The following PLIN3 variants were observed in gnomAD, a reference collection of about 807,000 sequenced individuals.
The protein encoded by PLIN3 is perilipin 3.
A neutral mutation model predicts 35.9 loss-of-function variants in PLIN3; 30 were observed. That is an observed-to-expected ratio of 0.84 (90% CI 0.62 to 1.13). PLIN3 has a LOEUF of 1.13. Among genes scored for constraint, PLIN3 ranks in the 50% most tolerant of loss-of-function variants. The pLI is 0.00. For missense variants in PLIN3, 603 were observed against 596.9 expected, an observed-to-expected ratio of 1.01 and a Z score of -0.11; for synonymous variants, 261 against 262.5, an observed-to-expected ratio of 0.99 and a Z score of 0.06.
chr19:4,841,338 G>A (rs537483067), intron 7 of PLIN3, among the ~76,000 whole-genome samples: 1 of 152,110 alleles, frequency 6.6e-6, no homozygotes, highest in African/African-American at 2.4e-5. Context: ...AGGACGTCAC[G>A]CTCAGCGCGA....
intron 1 of PLIN3, 126 bp from the exon 2 acceptor site, chr19:4,861,537 T>A: frequency 1.5e-6 from 1 of 647,720 alleles, no homozygotes; most frequent in Non-Finnish European, 2.7e-6. Flanking sequence ...TGTCTTTCAG[T>A]CCTTAGCAGG....
intron 4 of PLIN3, among the ~76,000 whole-genome samples, chr19:4,854,549 G>A (rs372775926): frequency 2.8e-4 from 42 of 152,110 alleles, no homozygotes; most frequent in African/African-American, 8.7e-4. Flanking sequence ...GACTACAGGC[G>A]TGCACTGCCA....
At chr19:4,855,249 G>GAAAAAA (rs377681525) in intron 4 of PLIN3, among the ~76,000 whole-genome samples, 46 of 36,396 alleles carry the variant, frequency 1.3e-3, no homozygotes, top group African/African-American at 4.1e-3. Flanking sequence ...GACTCCATCT[G>GAAAAAA]AAAAAAAAAA....
intron 1 of PLIN3, among the ~76,000 whole-genome samples, chr19:4,864,204 G>A (rs910206724): frequency 6.6e-6 from 1 of 150,938 alleles, no homozygotes; most frequent in African/African-American, 2.4e-5. Context: ...CCAGGCTGGG[G>A]TGCAGTGGCG....
chr19:4,844,849 T>C, intron 6 of PLIN3, 56 bp from the exon 7 acceptor site: 1 of 1,510,284 alleles, frequency 6.6e-7, no homozygotes, highest in Admixed American at 2.3e-5. Flanking sequence ...GAGACGGGAT[T>C]CCAGAAGGAA....
intron 1 of PLIN3, among the ~76,000 whole-genome samples, chr19:4,864,837 G>A (rs748775548): frequency 2.1e-4 from 32 of 152,094 alleles, no homozygotes; most frequent in Non-Finnish European, 4.6e-4. Context: ...CTCCACCTAC[G>A]CTATGCTCCC....
rs771627027 is a variant in PLIN3, at chr19:4,838,973, T to C, written c.*219A>G. ...CTGGACATCTCTCTCTACTGACTGA[T>C]AGGGTGAGGCTCAGAACAGGCTTCT... is the stretch of plus-strand genomic sequence containing the variant. On this transcript the variant is annotated 3_prime_UTR_variant, in exon 8 of 8. Coordinates refer to ENST00000221957, the MANE Select transcript of PLIN3 (RefSeq NM_005817.5). The C allele has an allele frequency of 4.6e-6, 2 of 438,678 alleles. No homozygotes were observed. Among genetic ancestry groups the C allele is most frequent in the African/African-American group, 3.9e-5 (2 of 50,952 alleles). The allele number at this position is 438,678 out of a possible 1,614,324, so 27.2% of individuals were successfully genotyped here.
At chr19:4,861,440 C>A (rs755642043) in intron 1 of PLIN3, 29 bp from the exon 2 acceptor site, 3 of 1,526,042 alleles carry the variant, frequency 2.0e-6, no homozygotes, top group Non-Finnish European at 2.7e-6. Context: ...TCAGGTACAG[C>A]CTGCCTGGCC....
intron 6 of PLIN3, among the ~76,000 whole-genome samples, chr19:4,845,724 A>C (rs2030066992): frequency 6.6e-6 from 1 of 151,610 alleles, no homozygotes; most frequent in Non-Finnish European, 1.5e-5. Context: ...GGAGATCGAG[A>C]CCATCCTGGC....
chr19:4,867,249 G>A (rs543426096), intron 1 of PLIN3: 1 of 152,384 alleles, frequency 6.6e-6, no homozygotes, highest in Admixed American at 6.5e-5. Flanking sequence ...GCCCGCAGGA[G>A]GAAACTTGCC....
chr19:4,858,573 G>A (rs536454515), intron 4 of PLIN3, among the ~76,000 whole-genome samples: 63 of 151,000 alleles, frequency 4.2e-4, no homozygotes, highest in Non-Finnish European at 7.4e-4. Flanking sequence ...TAGTAGAGAT[G>A]GGGTTTCACT....
At position 4,838,710 on chromosome 19, in the gene PLIN3, G is replaced by C. The variant is rs1452587727; in HGVS notation, c.*482C>G. The C allele has an allele frequency of 6.6e-6, 1 of 151,076 alleles. No individual in the cohort carries two copies. Among genetic ancestry groups the C allele is most frequent in the African/African-American group, 2.4e-5 (1 of 40,990 alleles). 9.4% of individuals were successfully genotyped at this position (151,076 alleles called of 1,614,324 possible). A position where few individuals can be genotyped will look rare whatever the true frequency, so the allele number is the denominator to read the frequency against. ...ATTCTCTTGCCTCAGCCTCCTAACT[G>C]GGATAACAGACACCTGCTACCATGC... On this transcript the variant is annotated 3_prime_UTR_variant, in exon 8 of 8. Transcript: ENST00000221957.
chr19:4,861,149 T>C (rs1294391519), intron 2 of PLIN3, among the ~76,000 whole-genome samples, 180 bp downstream of exon 2: 1 of 152,060 alleles, frequency 6.6e-6, no homozygotes, highest in Non-Finnish European at 1.5e-5. Flanking sequence ...GCCTTTGAGA[T>C]TCCCCCCTCC....
rs892151148 is a variant in PLIN3 at position 4,839,140 on chromosome 19, A to G, written c.*52T>C. 1.4e-6 allele frequency: 2 copies of G among 1,437,100 alleles called. No individual in the cohort carries two copies. The highest frequency in any genetic ancestry group is 3.9e-5 in the Admixed American group (2 of 51,100). The allele number at this position is 1,437,100 out of a possible 1,614,324, so 89.0% of individuals were successfully genotyped here. A position where few individuals can be genotyped will look rare whatever the true frequency, so the allele number is the denominator to read the frequency against. On this transcript the variant is annotated 3_prime_UTR_variant, in exon 8 of 8. Coordinates refer to ENST00000221957, the MANE Select transcript of PLIN3 (RefSeq NM_005817.5). ...AAATGAGCCCCGGGTTGAGGACTCC[A>G]GAGCACAGCTGCATTATAGAGACGG...
At position 4,859,699 on chromosome 19, in the gene PLIN3, G is replaced by A. The variant is rs761654399; in HGVS notation, c.266-27C>T. The A allele has an allele frequency of 3.7e-6, 6 of 1,611,552 alleles. No individual in the cohort carries two copies. In the East Asian group the frequency reaches 1.1e-4, roughly 30 times the overall value. On this transcript the variant is annotated intron_variant, in intron 3 of 7. Coordinates refer to ENST00000221957, the MANE Select transcript of PLIN3 (RefSeq NM_005817.5). Reference sequence around the variant, plus strand: ...TGCCAACAACAATTAAGACGCAAATGTGACTGCTGGAAGGTCACCTAGTAA... The same window carrying A: ...TGCCAACAACAATTAAGACGCAAATATGACTGCTGGAAGGTCACCTAGTAA...
At chr19:4,853,648 C>CA (rs2030377387) in intron 4 of PLIN3, among the ~76,000 whole-genome samples, 1 of 151,348 alleles carries the variant, frequency 6.6e-6, no homozygotes, top group Admixed American at 6.6e-5. Context: ...TTTGTAGAGA[C>CA]AAAAAATACA....
intron 2 of PLIN3, 32 bp downstream of exon 2, chr19:4,861,297 C>G: frequency 1.9e-6 from 3 of 1,593,648 alleles, no homozygotes; most frequent in South Asian, 1.1e-5. Flanking sequence ...ATCACAGGGT[C>G]GGGGCAGTCC....
intron 1 of PLIN3, among the ~76,000 whole-genome samples, chr19:4,865,278 C>T (rs1599179412): frequency 6.6e-6 from 1 of 151,902 alleles, no homozygotes; most frequent in Non-Finnish European, 1.5e-5. Context: ...CACCTAAGGT[C>T]GGGAGTTTGA....
rs2030607405 is a variant in PLIN3 at position 4,859,822 on chromosome 19, C to G, written c.265+4G>C. The G allele has an allele frequency of 1.2e-6, 2 of 1,613,018 alleles. No individual in the cohort carries two copies. Among genetic ancestry groups the G allele is most frequent in the Admixed American group, 1.7e-5 (1 of 59,970 alleles). The stretch of plus-strand genomic sequence containing the variant: ...AATTCAGTGCCCCCTGGGACTTCAC[C>G]CACTCTGGGGCTCCAGCTTGGAGAG... On this transcript the variant is annotated splice_donor_region_variant and intron_variant, in intron 3 of 7. Transcript: ENST00000221957.
Sources: allele counts gnomAD v4.1 joint callset (sites outside exome capture counted in the v4.1 genomes callset), GRCh38; gene constraint gnomAD v4.1.1; transcripts MANE v1.5; gene names NCBI Gene and HGNC (gene_info 2026-07-23, HGNC 2026-07-21).